TUBB8B: variants seen among roughly 807,000 people sequenced by gnomAD.
TUBB8B encodes the protein tubulin beta 8B, also known as HSA18p11 beta-tubulin 4Q pseudogene.
In TUBB8B, 26 loss-of-function variants were observed where a neutral mutation model predicts 31.9. That is an observed-to-expected ratio of 0.81 (90% CI 0.60 to 1.13). The LOEUF (loss-of-function observed/expected upper bound fraction) is 1.13, where lower values mean the gene tolerates loss of function less well. TUBB8B is among the 50% of genes most tolerant of loss of function. The pLI is 0.00. For synonymous variants in TUBB8B, 173 were observed against 231.0 expected (o/e 0.75, Z 2.28); for missense variants, 467 against 586.7 (o/e 0.80, Z 2.11).
At position 48,370 on chromosome 18, in the gene TUBB8B, C is replaced by G; in HGVS notation, c.355G>C (p.Val119Leu). 2 of 1,612,280 alleles carry G rather than the reference C, an allele frequency of 1.2e-6. No homozygotes were observed. The highest frequency in any genetic ancestry group is 1.7e-6 in the Non-Finnish European group (2 of 1,178,532). Residue 119 changes from valine to leucine, a missense_variant, in exon 4 of 4, where the codon GTT (valine) becomes CTT (leucine). Val to Leu is a conservative substitution (Grantham distance 32, BLOSUM62 1). Transcript: ENST00000308911. ...CAGCTCTCAGCCTCCTTTCTGACAA[C>G]GTCCATCACTGACTCCGTCAGCTCC... ...GAELTESVMD[V>L]VRKEAESCDC... is the part of the protein sequence containing the mutation.
At chr18:53,633 T>A (rs1300782719), upstream of TUBB8B, among the ~76,000 whole-genome samples, 10 of 151,766 alleles carry the variant, frequency 6.6e-5, no homozygotes, top group Admixed American at 5.9e-4. Flanking sequence ...CACACCCAGC[T>A]AATTTTTGTA....
the TUBB8B span, among the ~76,000 whole-genome samples, chr18:58,154 C>T: frequency 8.0e-6 from 1 of 124,868 alleles, no homozygotes; most frequent in Admixed American, 8.1e-5. Context: ...TCAACACTTG[C>T]TTTTTTTTTT....
the TUBB8B span, among the ~76,000 whole-genome samples, chr18:63,246 G>A: frequency 4.0e-5 from 6 of 151,830 alleles, no homozygotes; most frequent in African/African-American, 9.7e-5. Context: ...AGTCTTCACA[G>A]TCTGGGCTTC....
the TUBB8B span, among the ~76,000 whole-genome samples, chr18:57,964 C>G: frequency 6.6e-6 from 1 of 151,848 alleles, no homozygotes; most frequent in Non-Finnish European, 1.5e-5. Flanking sequence ...TTGTGCTACA[C>G]CTGGAGCTGG....
the TUBB8B span, among the ~76,000 whole-genome samples, chr18:55,051 T>C: frequency 1.3e-5 from 2 of 152,018 alleles, no homozygotes; most frequent in African/African-American, 4.8e-5. Flanking sequence ...CAATATATTG[T>C]AGTGTATTAG....
chr18:60,129 C>T, the TUBB8B span, among the ~76,000 whole-genome samples: 1 of 151,270 alleles, frequency 6.6e-6, no homozygotes, highest in African/African-American at 2.4e-5. Flanking sequence ...TCTGGTCCTA[C>T]AGACATTTTT....
the TUBB8B span, among the ~76,000 whole-genome samples, chr18:60,707 T>C: frequency 1.3e-5 from 2 of 151,942 alleles, no homozygotes; most frequent in East Asian, 3.9e-4. Context: ...CTTTTTAACA[T>C]TTTTATTGAC....
upstream of TUBB8B, among the ~76,000 whole-genome samples, chr18:52,068 T>C (rs1199159756): frequency 6.6e-6 from 1 of 151,780 alleles, no homozygotes; most frequent in Non-Finnish European, 1.5e-5. Flanking sequence ...TCTCCTATTA[T>C]CCACTGCTGC....
the TUBB8B span, among the ~76,000 whole-genome samples, chr18:57,087 T>C: frequency 6.6e-6 from 1 of 151,830 alleles, no homozygotes; most frequent in Admixed American, 6.6e-5. Flanking sequence ...TACATTTTAA[T>C]ATAAGATTTT....
the TUBB8B span, among the ~76,000 whole-genome samples, chr18:57,638 G>A: frequency 1.3e-5 from 2 of 151,732 alleles, no homozygotes; most frequent in African/African-American, 2.4e-5. Flanking sequence ...CTACCATTCT[G>A]GGATCTGTAG....
Position 48,848 on chromosome 18 carries a change from C to A in TUBB8B, c.277+92G>T. Reference sequence around the variant, plus strand: ...ATAGGAGGGTGTTCAGGGGCCCTGGCGCCACAGTTCCCACAGGATGACCTT... The same window carrying A: ...ATAGGAGGGTGTTCAGGGGCCCTGGAGCCACAGTTCCCACAGGATGACCTT... On this transcript the variant is annotated intron_variant, in intron 3 of 3. Transcript: ENST00000308911. The A allele has an allele frequency of 4.3e-6, 4 of 932,166 alleles. 1 individual carries two copies. Among genetic ancestry groups the A allele is most frequent in the East Asian group, 4.9e-5 (2 of 40,524 alleles). The allele number at this position is 932,166 out of a possible 1,614,324, so 57.7% of individuals were successfully genotyped here.
At chr18:53,172 T>C (rs1906177922), upstream of TUBB8B, among the ~76,000 whole-genome samples, 2 of 151,854 alleles carry the variant, frequency 1.3e-5, no homozygotes, top group African/African-American at 4.8e-5. Context: ...TAGCTACTCA[T>C]ATTAAGATAG....
At chr18:62,982 C>A in the TUBB8B span, among the ~76,000 whole-genome samples, 1 of 151,692 alleles carries the variant, frequency 6.6e-6, no homozygotes, top group East Asian at 1.9e-4. Flanking sequence ...CTGCTTTATT[C>A]TTTTTATTTC....
chr18:63,651 ACCCTAGCCCTAGCCTTAG>A, the TUBB8B span, among the ~76,000 whole-genome samples: 1 of 147,896 alleles, frequency 6.8e-6, no homozygotes, highest in Non-Finnish European at 1.5e-5. Context: ...CCAAACCCTA[ACCCTAGCCCTAGCCTTAG>A]CCCTAACCCT....
At chr18:61,859 C>G in the TUBB8B span, among the ~76,000 whole-genome samples, 27 of 151,538 alleles carry the variant, frequency 1.8e-4, no homozygotes, top group African/African-American at 6.5e-4. Context: ...TTTACTCTTT[C>G]TATTTGAGAT....
the TUBB8B span, among the ~76,000 whole-genome samples, chr18:66,396 C>A: frequency 4.6e-5 from 7 of 151,888 alleles, no homozygotes; most frequent in African/African-American, 1.4e-4. Flanking sequence ...TACAAAAAAT[C>A]AAAAAATTAG....
At chr18:51,409 A>G (rs1349952624), upstream of TUBB8B, among the ~76,000 whole-genome samples, 1 of 151,878 alleles carries the variant, frequency 6.6e-6, no homozygotes, top group Non-Finnish European at 1.5e-5. Flanking sequence ...CTCTCGTGAC[A>G]GTGAATAAGC....
At chr18:49,898 C>G, upstream of TUBB8B, 1 of 507,220 alleles carries the variant, frequency 2.0e-6, no homozygotes, top group East Asian at 5.9e-5. Context: ...GAGGGGAAGA[C>G]GCTTGTTTCC....
chr18:49,002 G>A lies in TUBB8B; in HGVS notation c.215C>T (p.Thr72Ile), dbSNP rs1379510495. 6 of 1,609,630 alleles carry A rather than the reference G, an allele frequency of 3.7e-6. No homozygotes were observed. Among genetic ancestry groups the A allele is most frequent in the Non-Finnish European group, 5.1e-6 (6 of 1,178,242 alleles). Reference protein sequence around the residue: ...RAVLVDLEPGTMDSVHSGPFG... With the variant: ...RAVLVDLEPGIMDSVHSGPFG... ...GGGCCCCGAGTGCACAGAGTCCATG[G>A]TGCCCGGCTCCAGATCCACGAGCAC... Residue 72 changes from threonine to isoleucine, a missense_variant, in exon 3 of 4, where the codon ACC becomes ATC. By Grantham distance (89) the Thr-to-Ile change is moderately conservative (BLOSUM62 -1). Transcript: ENST00000308911.
Sources: gnomAD v4.1 joint callset for allele counts (sites outside exome capture counted in the v4.1 genomes callset) on GRCh38, gnomAD v4.1.1 for gene constraint, MANE v1.5 for transcripts, NCBI Gene and HGNC (gene_info 2026-07-23, HGNC 2026-07-21) for gene names.